The following COMMD2 variants were observed in gnomAD, a reference collection of about 807,000 sequenced individuals.
COMMD2 encodes the protein COMM domain-containing protein 2.
Under a neutral mutation model 22.5 loss-of-function variants are expected in COMMD2, and 25 were observed. The ratio of observed to expected loss-of-function variants is 1.11; its 90% CI spans 0.81 to 1.55. COMMD2 has a LOEUF of 1.55. COMMD2 is among the 40% of genes most tolerant of loss of function. The probability of loss-of-function intolerance (pLI) is 0.00; values close to 1 mark genes in which losing one functional copy is unlikely to be tolerated. For synonymous variants in COMMD2, 98 were observed against 91.2 expected (o/e 1.07, Z -0.42); for missense variants, 223 against 232.9 (o/e 0.96, Z 0.28).
chr3:149,748,370 G>A (rs1419112595), intron 4 of COMMD2, among the ~76,000 whole-genome samples: 1 of 152,178 alleles, frequency 6.6e-6, no homozygotes, highest in Non-Finnish European at 1.5e-5. Context: ...TAGAGATGTT[G>A]AGGCTTTGAA....
chr3:149,751,316 C>G (rs1716522793), intron 3 of COMMD2, 87 bp downstream of exon 3: 1 of 1,582,954 alleles, frequency 6.3e-7, no homozygotes, highest in Non-Finnish European at 8.6e-7. Flanking sequence ...TTAAAACACA[C>G]AGGTACCTGC....
intron 4 of COMMD2, among the ~76,000 whole-genome samples, chr3:149,746,122 T>A (rs1231439452): frequency 1.3e-5 from 2 of 152,182 alleles, no homozygotes; most frequent in African/African-American, 4.8e-5. Context: ...ATTCAATCTA[T>A]CTTGAACTGA....
intron 4 of COMMD2, among the ~76,000 whole-genome samples, chr3:149,747,623 G>A (rs1434050726): frequency 6.6e-6 from 1 of 152,190 alleles, no homozygotes; most frequent in Non-Finnish European, 1.5e-5. Flanking sequence ...TATACAAACA[G>A]AGAGACAACT....
Position 149,741,269 on chromosome 3 carries a change from T to C in COMMD2, c.*252A>G, listed in dbSNP as rs1442851818. On this transcript the variant is annotated 3_prime_UTR_variant, in exon 5 of 5. Coordinates refer to ENST00000473414, the MANE Select transcript of COMMD2 (RefSeq NM_016094.4). ...TTTTAGTAGAGATGGGGTTTCACCA[T>C]GTTAGCCAGGAAGGTCTCAATCTCC... 1 of 380,204 alleles carries C rather than the reference T, an allele frequency of 2.6e-6. No homozygotes were observed. The highest frequency in any genetic ancestry group is 4.9e-6 in the Non-Finnish European group (1 of 203,652). The allele number at this position is 380,204 out of a possible 1,614,324, so 23.6% of individuals were successfully genotyped here.
At position 149,742,965 on chromosome 3, in the gene COMMD2, CAA is replaced by C. The variant is rs5853437; in HGVS notation, c.403-1249_403-1248del. On this transcript the variant is annotated intron_variant, in intron 4 of 4. Coordinates refer to ENST00000473414, the MANE Select transcript of COMMD2 (RefSeq NM_016094.4). ...TGGGCAACAGAGTGAGACTCTATCTCAAAAAAAAAAAAAAAAGAAAAAGAAAA... is the reference window on the plus strand; with the variant it reads ...TGGGCAACAGAGTGAGACTCTATCTCAAAAAAAAAAAAAAGAAAAAGAAAA... Among the ~76,000 whole-genome samples the C allele has an allele frequency of 8.8e-3, 1,060 of 120,098 alleles. 10 individuals carry two copies. The highest frequency in any genetic ancestry group is 0.028 in the Middle Eastern group (7 of 252). 78.8% of individuals were successfully genotyped at this position (120,098 alleles called of 152,430 possible).
At chr3:149,746,394 C>T (rs530125919) in intron 4 of COMMD2, among the ~76,000 whole-genome samples, 1 of 152,082 alleles carries the variant, frequency 6.6e-6, no homozygotes, top group East Asian at 1.9e-4. Context: ...ATGGGAGAGG[C>T]TATGGTAGGA....
chr3:149,745,899 T>C (rs1206418102), intron 4 of COMMD2, among the ~76,000 whole-genome samples: 1 of 152,208 alleles, frequency 6.6e-6, no homozygotes. Flanking sequence ...TTCAGTGACA[T>C]TGTGTTGTGT....
intron 4 of COMMD2, among the ~76,000 whole-genome samples, chr3:149,748,199 G>A (rs911660574): frequency 6.6e-6 from 1 of 152,078 alleles, no homozygotes; most frequent in African/African-American, 2.4e-5. Flanking sequence ...TAAGAGCATG[G>A]GTACTTCATC....
intron 4 of COMMD2, among the ~76,000 whole-genome samples, chr3:149,745,480 C>A (rs1018775983): frequency 3.9e-5 from 6 of 152,196 alleles, no homozygotes; most frequent in African/African-American, 9.6e-5. Context: ...GCGTTCATGC[C>A]TATTAAAACA....
At chr3:149,746,615 CAAA>C (rs34066660) in intron 4 of COMMD2, among the ~76,000 whole-genome samples, 121 of 128,990 alleles carry the variant, frequency 9.4e-4, no homozygotes, top group Non-Finnish European at 1.1e-3. Context: ...ACTAAAAATA[CAAA>C]AAAAAAAAAA....
At chr3:149,741,809 A>C in intron 4 of COMMD2, 91 bp from the exon 5 acceptor site, 1 of 1,032,454 alleles carries the variant, frequency 9.7e-7, no homozygotes, top group Non-Finnish European at 1.4e-6. Flanking sequence ...ATACACAAAA[A>C]TTAAGTTTCA....
chr3:149,748,588 A>G (rs994688550), intron 4 of COMMD2, among the ~76,000 whole-genome samples: 42 of 152,388 alleles, frequency 2.8e-4, no homozygotes, highest in African/African-American at 9.4e-4. Context: ...AAAGGGAGAC[A>G]TCATTTAGAG....
intron 4 of COMMD2, among the ~76,000 whole-genome samples, chr3:149,748,450 A>C (rs978662490): frequency 1.3e-5 from 2 of 152,234 alleles, no homozygotes; most frequent in Non-Finnish European, 2.9e-5. Flanking sequence ...AACAAAAAAC[A>C]AAAAACCAAA....
rs201007726 is a variant in COMMD2, at chr3:149,752,184, C to A, written c.145+26G>T. On this transcript the variant is annotated intron_variant, in intron 2 of 4. Coordinates refer to ENST00000473414, the MANE Select transcript of COMMD2 (RefSeq NM_016094.4). ...GGCTCGCAACCGCCCTAGAAGCCTG[C>A]GGAGCCTTCCCCTTTCCCTTCTTAC... 2.8e-4 allele frequency: 451 copies of A among 1,603,704 alleles called. No individual in the cohort carries two copies. The African/African-American group carries it at 4.9e-3, about 18-fold the overall frequency.
intron 4 of COMMD2, among the ~76,000 whole-genome samples, chr3:149,745,247 G>A (rs1255593299): frequency 6.6e-6 from 1 of 152,204 alleles, no homozygotes; most frequent in Non-Finnish European, 1.5e-5. Context: ...CATGAACTGT[G>A]TTTTGTTCTT....
chr3:149,746,225 CT>C (rs967561670), intron 4 of COMMD2, among the ~76,000 whole-genome samples: 8 of 151,412 alleles, frequency 5.3e-5, no homozygotes, highest in Non-Finnish European at 8.8e-5. Flanking sequence ...AAATTTCCTA[CT>C]TTTTTTTTCA....
At chr3:149,752,120 A>T in intron 2 of COMMD2, 90 bp downstream of exon 2, 1 of 1,047,632 alleles carries the variant, frequency 9.5e-7, no homozygotes, top group South Asian at 1.4e-5. Context: ...AGACCCTAGG[A>T]CTCGCAATAA....
rs1439141793 is a variant in COMMD2 at position 149,738,780 on chromosome 3, A to G, written c.*2741T>C. The G allele has an allele frequency of 2.0e-5, 3 of 152,140 alleles. No homozygotes were observed. The highest frequency in any genetic ancestry group is 4.4e-5 in the Non-Finnish European group (3 of 67,998). 9.4% of individuals were successfully genotyped at this position (152,140 alleles called of 1,614,324 possible). On this transcript the variant is annotated 3_prime_UTR_variant, in exon 5 of 5. Transcript: ENST00000473414. ...AATGGCTCCTACACATGCATCCTTT[A>G]TATATACCCTTCATGATTTTTCAAA...
rs565152753 is a variant in COMMD2, at chr3:149,746,310, G to A, written c.402+4368C>T. 5.9e-5 allele frequency among the ~76,000 whole-genome samples: 9 copies of A among 152,192 alleles called. 1 individual carries two copies. In the South Asian group the frequency reaches 1.9e-3, roughly 32 times the overall value. ...GACTTGCAGATGGACTAGATGAAGGGCAAGGAGAGGAGTCAAGGAAGAGGC... is the reference window on the plus strand; with the variant it reads ...GACTTGCAGATGGACTAGATGAAGGACAAGGAGAGGAGTCAAGGAAGAGGC... On this transcript the variant is annotated intron_variant, in intron 4 of 4. Transcript: ENST00000473414.
Sources: gnomAD v4.1 joint callset for allele counts (sites outside exome capture counted in the v4.1 genomes callset) on GRCh38, gnomAD v4.1.1 for gene constraint, MANE v1.5 for transcripts, NCBI Gene and HGNC (gene_info 2026-07-23, HGNC 2026-07-21) for gene names.